The following NRG3 variants were observed in gnomAD, a reference collection of about 807,000 sequenced individuals.
NRG3 encodes the protein pro-neuregulin-3, membrane-bound isoform.
NRG3 carries 31 observed loss-of-function variants against 66.9 expected under a neutral mutation model. That is an observed-to-expected ratio of 0.46 (90% CI 0.35 to 0.63). The LOEUF is 0.63. Among genes scored for constraint, NRG3 ranks in the 20% least tolerant of loss-of-function variants. The pLI, the probability that NRG3 is intolerant of heterozygous loss-of-function variation, is 0.00. For missense variants in NRG3, 910 were observed against 878.9 expected (o/e 1.04, Z -0.45); for synonymous variants, 393 against 359.4 (o/e 1.09, Z -1.06).
rs186761973 is a variant in NRG3 at position 82,188,760 on chromosome 10, G to A, written c.824-169979G>A. On this transcript the variant is annotated intron_variant, in intron 1 of 8. Transcript: ENST00000372141. ...CATTAAAACTACAATGAGATAGAAG[G>A]TGGTGTACCAGAGGCTGGGAAGGGT... Among the ~76,000 whole-genome samples, 157 of 152,114 alleles carry A rather than the reference G, an allele frequency of 1.0e-3. 1 individual carries two copies. The highest frequency in any genetic ancestry group is 2.1e-3 in the South Asian group (10 of 4,818).
chr10:82,050,644 G>T lies in NRG3; in HGVS notation c.823+174481G>T, dbSNP rs1460371041. On this transcript the variant is annotated intron_variant, in intron 1 of 8. Coordinates refer to ENST00000372141, the MANE Select transcript of NRG3 (RefSeq NM_001010848.4). ...AGTTTTTATTGGGAGTGTAAATTTT[G>T]CCTCTTTGCTATGCCTTCGTAGACA... is the stretch of plus-strand genomic sequence containing the variant. Among the ~76,000 whole-genome samples the T allele has an allele frequency of 2.0e-5, 3 of 151,864 alleles. No homozygotes were observed. The East Asian group carries it at 5.8e-4, about 30-fold the overall frequency.
intron 1 of NRG3, among the ~76,000 whole-genome samples, chr10:81,914,688 C>G (rs184068485): frequency 4.7e-4 from 66 of 141,436 alleles, no homozygotes; most frequent in African/African-American, 1.6e-3. Context: ...CTCAGGAGTT[C>G]AAGGATGCAG....
chr10:82,758,193 C>T (rs1420919885), intron 3 of NRG3, among the ~76,000 whole-genome samples: 2 of 152,116 alleles, frequency 1.3e-5, no homozygotes, highest in Non-Finnish European at 2.9e-5. Context: ...CCAGTAACCT[C>T]CCTGAATCTG....
At chr10:82,552,392 A>G (rs1422527438) in intron 2 of NRG3, among the ~76,000 whole-genome samples, 1 of 152,160 alleles carries the variant, frequency 6.6e-6, no homozygotes, top group African/African-American at 2.4e-5. Context: ...ATGCATTTTA[A>G]TACATTGCAA....
intron 3 of NRG3, among the ~76,000 whole-genome samples, chr10:82,821,953 GC>G (rs1333907630): frequency 2.0e-5 from 3 of 152,002 alleles, no homozygotes; most frequent in South Asian, 2.1e-4. Flanking sequence ...CTGCTACCCT[GC>G]CCCCCACATG....
chr10:82,114,329 AT>A (rs1201309378), intron 1 of NRG3, among the ~76,000 whole-genome samples: 3 of 152,110 alleles, frequency 2.0e-5, no homozygotes, highest in African/African-American at 7.2e-5. Context: ...TCTTTTAGAT[AT>A]ATACTTAGTT....
At chr10:82,823,862 T>A (rs1292187260) in intron 3 of NRG3, among the ~76,000 whole-genome samples, 1 of 152,164 alleles carries the variant, frequency 6.6e-6, no homozygotes, top group African/African-American at 2.4e-5. Context: ...CATTATAAAA[T>A]ACATCCATTT....
At chr10:82,161,688 G>T (rs149216917) in intron 1 of NRG3, among the ~76,000 whole-genome samples, 2 of 152,016 alleles carry the variant, frequency 1.3e-5, no homozygotes, top group Admixed American at 6.6e-5. Context: ...CTGCCTTTCA[G>T]TAACAGGTGC....
chr10:82,861,560 G>A (rs17100953), intron 3 of NRG3, among the ~76,000 whole-genome samples: 22,369 of 152,090 alleles, frequency 0.15, 1,667 homozygotes, highest in Middle Eastern at 0.23. Flanking sequence ...TCATTTCTTA[G>A]CACAATCTAC....
intron 1 of NRG3, among the ~76,000 whole-genome samples, chr10:82,061,875 A>T (rs1453293899): frequency 8.5e-6 from 1 of 117,736 alleles, no homozygotes; most frequent in Non-Finnish European, 1.9e-5. Flanking sequence ...ACACACAAAC[A>T]CACACACACA....
At chr10:82,012,021 C>T (rs1196674581) in intron 1 of NRG3, among the ~76,000 whole-genome samples, 1 of 152,194 alleles carries the variant, frequency 6.6e-6, no homozygotes, top group East Asian at 1.9e-4. Flanking sequence ...TGTGTGGGGG[C>T]TCCAACTCCA....
At chr10:82,047,223 A>G (rs2063342394) in intron 1 of NRG3, among the ~76,000 whole-genome samples, 1 of 151,882 alleles carries the variant, frequency 6.6e-6, no homozygotes, top group Admixed American at 6.6e-5. Context: ...TTGGTAAGCT[A>G]TTGATTATTG....
intron 4 of NRG3, among the ~76,000 whole-genome samples, chr10:82,915,584 A>G (rs919431054): frequency 6.6e-6 from 1 of 152,160 alleles, no homozygotes; most frequent in Non-Finnish European, 1.5e-5. Flanking sequence ...TAATTTTTCT[A>G]TTTGCTGTGG....
At chr10:82,241,512 C>T (rs927442627) in intron 1 of NRG3, among the ~76,000 whole-genome samples, 2 of 152,094 alleles carry the variant, frequency 1.3e-5, no homozygotes, top group Non-Finnish European at 1.5e-5. Flanking sequence ...AAACATTACT[C>T]ATAAGGAAGA....
chr10:81,915,505 T>TTTTTTTTTTTTTTTTTTC (rs1564654214), intron 1 of NRG3, among the ~76,000 whole-genome samples: 21 of 151,444 alleles, frequency 1.4e-4, no homozygotes, highest in African/African-American at 4.6e-4. Flanking sequence ...AGTTTTTTTT[T>TTTTTTTTTTTTTTTTTTC]TTTTTGCCAA....
At chr10:82,713,749 A>G (rs2056811135) in intron 2 of NRG3, among the ~76,000 whole-genome samples, 1 of 152,206 alleles carries the variant, frequency 6.6e-6, no homozygotes, top group African/African-American at 2.4e-5. Flanking sequence ...TTGTATTTTG[A>G]TATCGTCTAA....
At chr10:82,017,998 AC>A (rs2061869596) in intron 1 of NRG3, among the ~76,000 whole-genome samples, 1 of 151,932 alleles carries the variant, frequency 6.6e-6, no homozygotes, top group African/African-American at 2.4e-5. Flanking sequence ...GGTGTTTTAG[AC>A]GTGAATTTCT....
chr10:82,563,773 G>A (rs1001278987), intron 2 of NRG3, among the ~76,000 whole-genome samples: 21 of 151,676 alleles, frequency 1.4e-4, no homozygotes, highest in Admixed American at 2.0e-4. Context: ...TACTCTTTTA[G>A]CAATTTTGAA....
In NRG3 at chr10:82,528,788, A is replaced by G. The variant is rs543057413; in HGVS notation, c.953+169920A>G. Among the ~76,000 whole-genome samples the G allele has an allele frequency of 9.7e-4, 147 of 152,262 alleles. 1 individual carries two copies. Among genetic ancestry groups the G allele is most frequent in the African/African-American group, 3.2e-3 (134 of 41,564 alleles). ...CTATTAGTGAGTGTAAAAAAAAAGT[A>G]TTGCCAGTTGCAGAAAAAAATCCAT... On this transcript the variant is annotated intron_variant, in intron 2 of 8. Transcript: ENST00000372141.
Sources: allele counts gnomAD v4.1 joint callset (sites outside exome capture counted in the v4.1 genomes callset), GRCh38; gene constraint gnomAD v4.1.1; transcripts MANE v1.5; gene names NCBI Gene and HGNC (gene_info 2026-07-23, HGNC 2026-07-21).